Variants in PSMG2 observed in about 807,000 individuals in gnomAD.
PSMG2 encodes CD40 ligand-activated specific transcript 3.
Under a neutral mutation model 31.5 loss-of-function variants are expected in PSMG2, and 21 were observed. The ratio of observed to expected loss-of-function variants is 0.67; its 90% CI spans 0.47 to 0.96. The LOEUF is 0.96. PSMG2 is among the 40% of genes least tolerant of loss of function. The pLI is 0.00. For synonymous variants in PSMG2, 120 were observed against 110.4 expected (o/e 1.09, Z -0.54); for missense variants, 318 against 321.2 (o/e 0.99, Z 0.08).
chr18:12,720,025 T>A (rs934108727), intron 4 of PSMG2, among the ~76,000 whole-genome samples: 4 of 151,892 alleles, frequency 2.6e-5, no homozygotes, highest in Admixed American at 6.6e-5. Context: ...CCCCAAGATG[T>A]AGCATTTAGA....
At chr18:12,687,324 T>A (rs1172915060) in intron 1 of PSMG2, among the ~76,000 whole-genome samples, 5 of 152,172 alleles carry the variant, frequency 3.3e-5, no homozygotes, top group Admixed American at 6.6e-5. Context: ...GTCCCATACT[T>A]TAGCAAGGAA....
chr18:12,707,803 C>G (rs1335329487), intron 2 of PSMG2, among the ~76,000 whole-genome samples: 1 of 152,168 alleles, frequency 6.6e-6, no homozygotes, highest in Non-Finnish European at 1.5e-5. Context: ...AATTGAAAGA[C>G]AAATGAAGAA....
At chr18:12,687,733 G>T (rs1373468163) in intron 1 of PSMG2, among the ~76,000 whole-genome samples, 1 of 151,796 alleles carries the variant, frequency 6.6e-6, no homozygotes, top group South Asian at 2.1e-4. Flanking sequence ...TATTACAGGT[G>T]TGAGCCACTG....
chr18:12,686,614 TAATCCTCA>T (rs2039548500), intron 1 of PSMG2: 5 of 513,162 alleles, frequency 9.7e-6, no homozygotes, highest in Non-Finnish European at 1.7e-5. Flanking sequence ...TAATTTCCCT[TAATCCTCA>T]TCTCCGTTAT....
At position 12,712,705 on chromosome 18, in the gene PSMG2, A is replaced by G; in HGVS notation, c.233A>G (p.Tyr78Cys). The change falls in exon 3 of 7, where the codon TAT (tyrosine) becomes TGT (cysteine). Residue 78 changes from tyrosine (Y) to cysteine (C), a missense_variant. Tyr to Cys is a radical substitution (Grantham distance 194). Coordinates refer to ENST00000317615, the MANE Select transcript of PSMG2 (RefSeq NM_020232.5). Reference sequence around the variant, plus strand: ...CATTTTCTTCTTGTTTTTATAGTGTATTCATTGCCTTCAAGAAAGCTGGTG... The same window carrying G: ...CATTTTCTTCTTGTTTTTATAGTGTGTTCATTGCCTTCAAGAAAGCTGGTG... ...STELSINAEV[Y>C]SLPSRKLVAL... 1 of 1,598,534 alleles carries G rather than the reference A, an allele frequency of 6.3e-7. No individual in the cohort carries two copies. Among genetic ancestry groups the G allele is most frequent in the Non-Finnish European group, 8.6e-7 (1 of 1,167,628 alleles).
chr18:12,685,161 A>G (rs954821506), intron 1 of PSMG2: 8 of 151,592 alleles, frequency 5.3e-5, no homozygotes, highest in Non-Finnish European at 1.0e-4. Flanking sequence ...CCACCACACC[A>G]CGCTAATTTT....
chr18:12,723,492 G>A (rs1295318626), intron 5 of PSMG2, among the ~76,000 whole-genome samples: 1 of 151,848 alleles, frequency 6.6e-6, no homozygotes, highest in Non-Finnish European at 1.5e-5. Flanking sequence ...GTCTTGCTCT[G>A]TCTCACGCAG....
At chr18:12,660,293 A>G (rs1568000437) in intron 1 of PSMG2, among the ~76,000 whole-genome samples, 1 of 151,024 alleles carries the variant, frequency 6.6e-6, no homozygotes, top group Non-Finnish European at 1.5e-5. Context: ...TTTTTTAGTC[A>G]TCCCTCTAAT....
intron 1 of PSMG2, among the ~76,000 whole-genome samples, chr18:12,671,427 C>G (rs2038939243): frequency 6.6e-6 from 1 of 151,668 alleles, no homozygotes; most frequent in Admixed American, 6.6e-5. Flanking sequence ...TCAGAGTGAA[C>G]AAAGATTCTT....
At chr18:12,702,870 C>T (rs1304259413), upstream of PSMG2, 5 of 574,786 alleles carry the variant, frequency 8.7e-6, no homozygotes, top group South Asian at 6.6e-5. Context: ...CGCACCCCAT[C>T]GCCTTGCTTG....
chr18:12,677,596 GAAA>G (rs1024345633), intron 1 of PSMG2, among the ~76,000 whole-genome samples: 7 of 150,662 alleles, frequency 4.6e-5, no homozygotes, highest in Non-Finnish European at 1.0e-4. Flanking sequence ...AAATGAATAT[GAAA>G]AAAGTATAAC....
At chr18:12,708,582 T>C (rs1405795359) in intron 2 of PSMG2, among the ~76,000 whole-genome samples, 1 of 152,084 alleles carries the variant, frequency 6.6e-6, no homozygotes, top group Non-Finnish European at 1.5e-5. Flanking sequence ...CAGGCTGGTC[T>C]TGAACTCCCA....
At chr18:12,690,656 C>T (rs1038759766) in intron 1 of PSMG2, among the ~76,000 whole-genome samples, 4 of 151,972 alleles carry the variant, frequency 2.6e-5, no homozygotes, top group Admixed American at 6.6e-5. Flanking sequence ...GGGGTTTCAC[C>T]GTGTTAGCCA....
At chr18:12,717,974 T>G (rs768826700) in intron 3 of PSMG2, among the ~76,000 whole-genome samples, 2 of 152,138 alleles carry the variant, frequency 1.3e-5, no homozygotes, top group Non-Finnish European at 2.9e-5. Context: ...AAATCTAGAT[T>G]CCTCATGATT....
intron 1 of PSMG2, among the ~76,000 whole-genome samples, chr18:12,703,636 G>A (rs151227200): frequency 0.014 from 2,168 of 152,276 alleles, 54 homozygotes; most frequent in African/African-American, 0.049. Flanking sequence ...TCTGTTATGT[G>A]CGAGTATTAG....
At chr18:12,675,594 CATTTT>C (rs1227234124) in intron 1 of PSMG2, among the ~76,000 whole-genome samples, 3 of 152,080 alleles carry the variant, frequency 2.0e-5, no homozygotes, top group South Asian at 2.1e-4. Context: ...AAGATGAAGA[CATTTT>C]ATAGGCCCTT....
chr18:12,659,799 G>C (rs2038658385), intron 1 of PSMG2, among the ~76,000 whole-genome samples: 1 of 152,150 alleles, frequency 6.6e-6, no homozygotes, highest in Non-Finnish European at 1.5e-5. Context: ...AATCTCATTT[G>C]TAGCAATGCA....
At chr18:12,701,596 C>G (rs1195981840), upstream of PSMG2, among the ~76,000 whole-genome samples, 1 of 152,132 alleles carries the variant, frequency 6.6e-6, no homozygotes, top group Admixed American at 6.6e-5. Context: ...ATTAAAGATA[C>G]TAGACAGCAC....
chr18:12,676,431 C>T (rs889824766), intron 1 of PSMG2, among the ~76,000 whole-genome samples: 1 of 151,144 alleles, frequency 6.6e-6, no homozygotes, highest in Non-Finnish European at 1.5e-5. Context: ...TGCACCACCA[C>T]ACCCGGCTAA....
Sources: gnomAD v4.1 joint callset for allele counts (sites outside exome capture counted in the v4.1 genomes callset) on GRCh38, gnomAD v4.1.1 for gene constraint, MANE v1.5 for transcripts, NCBI Gene and HGNC (gene_info 2026-07-23, HGNC 2026-07-21) for gene names.